The following SCFD1 variants were observed in gnomAD, a reference collection of about 807,000 sequenced individuals.
SCFD1 encodes the protein sec1 family domain-containing protein 1.
In SCFD1, 37 loss-of-function variants were observed where a neutral mutation model predicts 103.2. The observed-to-expected ratio is 0.36, with a 90% confidence interval of 0.28 to 0.47. SCFD1 has a LOEUF of 0.47. Ranked by LOEUF, SCFD1 falls within the 20% of genes least tolerant of loss-of-function variation. SCFD1 has a pLI of 1.00. For missense variants in SCFD1, 639 were observed against 761.2 expected, an observed-to-expected ratio of 0.84 and a Z score of 1.89; for synonymous variants, 264 against 245.0, an observed-to-expected ratio of 1.08 and a Z score of -0.73.
intron 7 of SCFD1, among the ~76,000 whole-genome samples, chr14:30,648,834 C>A (rs1886112458): frequency 6.6e-6 from 1 of 152,004 alleles, no homozygotes. Flanking sequence ...ATTAGCCAGG[C>A]TTGGTGGCCT....
At chr14:30,647,947 G>A (rs1213233868) in intron 7 of SCFD1, among the ~76,000 whole-genome samples, 4 of 152,250 alleles carry the variant, frequency 2.6e-5, no homozygotes, top group Admixed American at 6.5e-5. Flanking sequence ...CACCATGCCC[G>A]GCCAGTGATT....
At chr14:30,672,222 C>G (rs1363710046) in intron 11 of SCFD1, among the ~76,000 whole-genome samples, 1 of 152,048 alleles carries the variant, frequency 6.6e-6, no homozygotes, top group African/African-American at 2.4e-5. Context: ...AAGGAAGTTT[C>G]CATTATAATT....
chr14:30,638,236 C>A lies in SCFD1; in HGVS notation c.424C>A (p.Gln142Lys). The A allele has an allele frequency of 6.2e-7, 1 of 1,613,090 alleles. No homozygotes were observed. The highest frequency in any genetic ancestry group is 8.5e-7 in the Non-Finnish European group (1 of 1,179,450). The part of the protein sequence containing the change: ...NAALAASAVT[Q>K]VAKVFDQYLN... ...AGCGTTAGCAGCTAGTGCAGTAACA[C>A]AAGTAGCCAAGGTAAGAGAGTTTGG... The change falls in exon 5 of 25, where the codon CAA becomes AAA. Residue 142 changes from glutamine to lysine, a missense_variant. Physicochemically the swap from Gln to Lys is moderately conservative, Grantham distance 53 (BLOSUM62 1). Transcript: ENST00000458591.
chr14:30,680,081 G>A (rs1889354877), intron 14 of SCFD1, among the ~76,000 whole-genome samples: 1 of 152,018 alleles, frequency 6.6e-6, no homozygotes, highest in Admixed American at 6.5e-5. Flanking sequence ...GTGAATTTCT[G>A]GAACTACTTC....
chr14:30,702,457 A>G, intron 17 of SCFD1, 82 bp downstream of exon 17: 1 of 815,574 alleles, frequency 1.2e-6, no homozygotes, highest in Non-Finnish European at 1.9e-6. Flanking sequence ...GGGAATGCTA[A>G]TAAGAAAACT....
chr14:30,654,874 A>G lies in SCFD1; in HGVS notation c.855+1286A>G, dbSNP rs368012606. Among the ~76,000 whole-genome samples the G allele has an allele frequency of 4.6e-5, 7 of 152,188 alleles. No individual in the cohort carries two copies. In the East Asian group the frequency reaches 1.2e-3, roughly 25 times the overall value. ...TCAACTTTAATTCAGTAGACAGGGC[A>G]AGAAGAATCAAAGGGACTCTTAAAT... On this transcript the variant is annotated intron_variant, in intron 10 of 24. Transcript: ENST00000458591.
intron 3 of SCFD1, among the ~76,000 whole-genome samples, chr14:30,631,522 C>A (rs966900499): frequency 2.6e-5 from 4 of 151,832 alleles, no homozygotes; most frequent in Non-Finnish European, 4.4e-5. Context: ...TCAAAAAATC[C>A]TAAGTTGAAC....
intron 23 of SCFD1, among the ~76,000 whole-genome samples, chr14:30,725,915 C>T (rs1395177633): frequency 6.6e-6 from 1 of 152,104 alleles, no homozygotes; most frequent in Non-Finnish European, 1.5e-5. Flanking sequence ...ACAAGTTGCC[C>T]CCTAGTCTTG....
chr14:30,719,564 C>T (rs1033033614), intron 21 of SCFD1, among the ~76,000 whole-genome samples, 187 bp downstream of exon 21: 1 of 152,110 alleles, frequency 6.6e-6, no homozygotes, highest in Non-Finnish European at 1.5e-5. Context: ...AGATGTTTTT[C>T]CTTCCACATA....
At chr14:30,640,722 C>G (rs1885187190) in intron 6 of SCFD1, among the ~76,000 whole-genome samples, 1 of 151,874 alleles carries the variant, frequency 6.6e-6, no homozygotes, top group African/African-American at 2.4e-5. Flanking sequence ...CCAGACCAGA[C>G]AAGTTTATAA....
intron 14 of SCFD1, among the ~76,000 whole-genome samples, chr14:30,677,687 T>TTAC (rs1461802980): frequency 2.3e-4 from 35 of 152,074 alleles, no homozygotes; most frequent in Non-Finnish European, 1.0e-4. Flanking sequence ...ATTTATACCA[T>TTAC]TACTATGTTA....
At chr14:30,662,754 C>G (rs1887561946) in intron 10 of SCFD1, among the ~76,000 whole-genome samples, 1 of 152,088 alleles carries the variant, frequency 6.6e-6, no homozygotes, top group African/African-American at 2.4e-5. Flanking sequence ...CTATATTATC[C>G]AGAGATTATT....
chr14:30,682,901 C>T (rs1457087051), intron 14 of SCFD1: 1 of 377,380 alleles, frequency 2.6e-6, no homozygotes, highest in Non-Finnish European at 4.8e-6. Flanking sequence ...ATCACAAGGG[C>T]TCAACTGAGG....
chr14:30,707,823 T>A (rs1248640386), intron 18 of SCFD1, 167 bp from the exon 19 acceptor site: 1 of 701,088 alleles, frequency 1.4e-6, no homozygotes, highest in East Asian at 2.8e-5. Context: ...GCAGCTGTGA[T>A]ACCCATGGCA....
chr14:30,656,625 A>C (rs538086505), intron 10 of SCFD1, among the ~76,000 whole-genome samples: 1 of 152,258 alleles, frequency 6.6e-6, no homozygotes, highest in Admixed American at 6.5e-5. Flanking sequence ...ACAGGCTGAC[A>C]ACATGAGTTT....
chr14:30,722,462 G>GAT (rs1892713582), intron 22 of SCFD1, 32 bp from the exon 23 acceptor site: 1 of 1,211,174 alleles, frequency 8.3e-7, no homozygotes, highest in Admixed American at 2.4e-5. Flanking sequence ...TAAAAACTGT[G>GAT]TTTTTTTTTT....
intron 14 of SCFD1, chr14:30,683,001 G>T: frequency 2.0e-6 from 2 of 1,004,212 alleles, no homozygotes; most frequent in South Asian, 1.5e-5. Context: ...ACCATCTAAG[G>T]AAAAGTTAAA....
chr14:30,644,613 T>A (rs1437949830), intron 7 of SCFD1, among the ~76,000 whole-genome samples: 1 of 152,226 alleles, frequency 6.6e-6, no homozygotes, highest in Non-Finnish European at 1.5e-5. Context: ...ATGTTGAGCA[T>A]TTTTTCATAT....
intron 4 of SCFD1, among the ~76,000 whole-genome samples, chr14:30,637,735 G>A (rs959656629): frequency 2.6e-5 from 4 of 152,156 alleles, no homozygotes; most frequent in African/African-American, 9.7e-5. Flanking sequence ...TTGTCTGTGT[G>A]CAATGAAGGA....
Sources: gnomAD v4.1 joint callset for allele counts (sites outside exome capture counted in the v4.1 genomes callset) on GRCh38, gnomAD v4.1.1 for gene constraint, MANE v1.5 for transcripts, NCBI Gene and HGNC (gene_info 2026-07-23, HGNC 2026-07-21) for gene names.